Variants in COL6A3 observed in about 807,000 individuals in gnomAD.
COL6A3 encodes collagen alpha-3(VI) chain.
A neutral mutation model predicts 274.1 loss-of-function variants in COL6A3; 137 were observed. The ratio of observed to expected loss-of-function variants is 0.50; its 90% confidence interval spans 0.44 to 0.58. COL6A3 has a LOEUF of 0.58. Among genes scored for constraint, COL6A3 ranks in the 20% least tolerant of loss-of-function variants. The pLI is 0.00. For synonymous variants in COL6A3, 1,650 were observed against 1,650.6 expected (o/e 1.00, Z 0.01); for missense variants, 3,950 against 4,124.9 (o/e 0.96, Z 1.16).
At chr2:237,389,804 A>G (rs755443109) in intron 3 of COL6A3, among the ~76,000 whole-genome samples, 1 of 152,260 alleles carries the variant, frequency 6.6e-6, no homozygotes, top group Non-Finnish European at 1.5e-5. Context: ...AGATACAATG[A>G]GTAGGATAAT....
In COL6A3 at chr2:237,374,490, T is replaced by G; in HGVS notation, c.3601A>C (p.Ile1201Leu). Residue 1201 changes from isoleucine to leucine, a missense_variant, in exon 8 of 44, where the codon ATC (isoleucine) becomes CTC (leucine). Ile to Leu is a conservative substitution (Grantham distance 5). Transcript: ENST00000295550. This position sits in a 1 kb window ranked among gnomAD's most constrained non-coding sequence, Gnocchi z 4.8. ...FRQLGTVQQVISERVTQLTRE... is the reference protein window; with the variant it reads ...FRQLGTVQQVLSERVTQLTRE... ...GTGAGCTGGGTCACCCTCTCAGAGA[T>G]GACCTGTTGGACGGTCCCCAGCTGG... is the stretch of plus-strand genomic sequence containing the variant. 6.2e-7 allele frequency: 1 copy of G among 1,614,136 alleles called. No homozygotes were observed. The highest frequency in any genetic ancestry group is 8.5e-7 in the Non-Finnish European group (1 of 1,180,030).
rs369259749 is a variant in COL6A3, at chr2:237,399,406, G to C, written c.-30-2559C>G. Among the ~76,000 whole-genome samples, 16 of 152,300 alleles carry C rather than the reference G, an allele frequency of 1.1e-4. 2 individuals are homozygous for C. Among genetic ancestry groups the C allele is most frequent in the African/African-American group, 3.8e-4 (16 of 41,568 alleles). ...CTCTGTGAGGAGCATGTGGTAGCCT[G>C]TTTGGTAAATGCCTGACGCGGAATG... On this transcript the variant is annotated intron_variant, in intron 1 of 43. Coordinates refer to ENST00000295550, the MANE Select transcript of COL6A3 (RefSeq NM_004369.4).
chr2:237,347,049 A>C (rs781588265), intron 31 of COL6A3, among the ~76,000 whole-genome samples: 3 of 152,082 alleles, frequency 2.0e-5, no homozygotes, highest in Admixed American at 6.5e-5. Context: ...CAACCTTTAC[A>C]CAGATCTAGG....
intron 1 of COL6A3, among the ~76,000 whole-genome samples, chr2:237,409,475 T>C (rs761351097): frequency 1.3e-5 from 2 of 152,176 alleles, no homozygotes; most frequent in African/African-American, 4.8e-5. Context: ...ATAGGTCTTG[T>C]TAAACTTAAG....
rs149753082 is a variant in COL6A3 at position 237,387,192 on chromosome 2, T to C, written c.1312+390A>G. On this transcript the variant is annotated intron_variant, in intron 4 of 43. Transcript: ENST00000295550. ...TGAGCACACTTCTAACACTGACTTTTAGAGCTCAATGCCATAGTCCTGGAG... is the reference window on the plus strand; with the variant it reads ...TGAGCACACTTCTAACACTGACTTTCAGAGCTCAATGCCATAGTCCTGGAG... Among the ~76,000 whole-genome samples, 799 of 152,316 alleles carry C rather than the reference T, an allele frequency of 5.2e-3. 4 individuals carry two copies. Among genetic ancestry groups the C allele is most frequent in the African/African-American group, 0.018 (752 of 41,548 alleles).
intron 5 of COL6A3, 44 bp from the exon 6 acceptor site, chr2:237,379,279 G>A (rs200281550): frequency 2.2e-5 from 36 of 1,613,392 alleles, no homozygotes; most frequent in African/African-American, 1.1e-4. Context: ...ACACAACCAC[G>A]GAGAGTTTTA....
In COL6A3 at chr2:237,361,536, C is replaced by T. The variant is rs1023646862; in HGVS notation, c.6156+203G>A. Among the ~76,000 whole-genome samples, 6 of 152,224 alleles carry T rather than the reference C, an allele frequency of 3.9e-5. No individual in the cohort carries two copies. The highest frequency in any genetic ancestry group is 6.5e-5 in the Admixed American group (1 of 15,284). ...CTTATCCTGTGCAAAAGGAGGGTCCCGCCTGAACCATCTTCACTGGAACAG... is the reference window on the plus strand; with the variant it reads ...CTTATCCTGTGCAAAAGGAGGGTCCTGCCTGAACCATCTTCACTGGAACAG... On this transcript the variant is annotated intron_variant, in intron 15 of 43. Transcript: ENST00000295550. This position sits in a 1 kb window ranked among gnomAD's most constrained non-coding sequence, Gnocchi z 5.1.
At chr2:237,400,338 C>G (rs189907254) in intron 1 of COL6A3, among the ~76,000 whole-genome samples, 10 of 151,706 alleles carry the variant, frequency 6.6e-5, no homozygotes, top group African/African-American at 2.4e-4. Flanking sequence ...GTTTTATATC[C>G]CCTGCATCAG....
At chr2:237,397,154 A>AGAAGG (rs1205101530) in intron 1 of COL6A3, among the ~76,000 whole-genome samples, 1 of 131,020 alleles carries the variant, frequency 7.6e-6, no homozygotes, top group South Asian at 2.5e-4. Flanking sequence ...GGAAGGGAAG[A>AGAAGG]GAAGGGAAGG....
Position 237,357,605 on chromosome 2 carries a change from G to C in COL6A3, c.6537+212C>G, listed in dbSNP as rs7577192. Among the ~76,000 whole-genome samples the C allele has an allele frequency of 0.4, 61,203 of 152,096 alleles. 12,785 individuals are homozygous for C. Among genetic ancestry groups the C allele is most frequent in the Non-Finnish European group, 0.45 (30,440 of 67,978 alleles). ...ACAAGCACCTTCCGTAAATATCTAA[G>C]AGGCACAGATTCTGCTGAGAAGCCC... On this transcript the variant is annotated intron_variant, in intron 22 of 43. Transcript: ENST00000295550.
rs369379463 is a variant in COL6A3, at chr2:237,381,275, G to T, written c.1537C>A (p.Arg513=). The T allele has an allele frequency of 6.2e-7, 1 of 1,614,234 alleles. No homozygotes were observed. Among genetic ancestry groups the T allele is most frequent in the Non-Finnish European group, 8.5e-7 (1 of 1,180,044 alleles). The change falls in exon 5 of 44, where the codon CGG becomes AGG. Residue 513 remains arginine, a synonymous_variant. Transcript: ENST00000295550. Reference sequence around the variant, plus strand: ...GAGCCGTCCAGGGGCTTCATTTTCCGCACAGCGGTTATGACTTCCCTTTTT... The same window carrying T: ...GAGCCGTCCAGGGGCTTCATTTTCCTCACAGCGGTTATGACTTCCCTTTTT... The part of the protein sequence containing the change: ...PTKREVITAV[R]KMKPLDGSAL...
chr2:237,383,365 G>T (rs907856706), intron 4 of COL6A3, among the ~76,000 whole-genome samples: 3 of 152,166 alleles, frequency 2.0e-5, no homozygotes, highest in African/African-American at 7.2e-5. Context: ...ATATTTCATG[G>T]TCATTGTTAT....
Position 237,345,171 on chromosome 2 carries a change from T to C in COL6A3, c.7125+10A>G, listed in dbSNP as rs754682475. On this transcript the variant is annotated intron_variant, in intron 33 of 43. Coordinates refer to ENST00000295550, the MANE Select transcript of COL6A3 (RefSeq NM_004369.4). The stretch of plus-strand genomic sequence containing the variant: ...AGGTTAATGAGTCATTCTGGACACA[T>C]GCAACTTACATCGATGGAGTCGCCC... 2 of 1,614,180 alleles carry C rather than the reference T, an allele frequency of 1.2e-6. No individual in the cohort carries two copies. Among genetic ancestry groups the C allele is most frequent in the Non-Finnish European group, 1.7e-6 (2 of 1,180,030 alleles).
At chr2:237,381,528 A>G in intron 4 of COL6A3, 29 bp from the exon 5 acceptor site, 1 of 1,523,700 alleles carries the variant, frequency 6.6e-7, no homozygotes, top group Non-Finnish European at 9.0e-7. Context: ...TAAGGCAATT[A>G]GAATGGCCTT....
At chr2:237,380,876 G>T in intron 5 of COL6A3, 39 bp downstream of exon 5, 1 of 1,589,254 alleles carries the variant, frequency 6.3e-7, no homozygotes, top group South Asian at 1.1e-5. Flanking sequence ...CCTGCCTGGA[G>T]ACCACCCCAT....
intron 26 of COL6A3, among the ~76,000 whole-genome samples, chr2:237,352,259 T>C (rs1458986264): frequency 6.6e-6 from 1 of 152,222 alleles, no homozygotes; most frequent in Non-Finnish European, 1.5e-5. Flanking sequence ...GCATATCCCC[T>C]GATTTCCACC....
intron 3 of COL6A3, 129 bp downstream of exon 3, chr2:237,394,458 T>A: frequency 8.5e-7 from 1 of 1,180,278 alleles, no homozygotes; most frequent in South Asian, 1.3e-5. Flanking sequence ...CCTTTGTTTT[T>A]AAACCTGTGA....
chr2:237,351,104 A>G (rs763972285), intron 27 of COL6A3, 26 bp downstream of exon 27: 2 of 1,613,408 alleles, frequency 1.2e-6, no homozygotes, highest in South Asian at 2.2e-5. Flanking sequence ...TGTCCTCAGG[A>G]AAGCTCTACC....
At position 237,334,811 on chromosome 2, in the gene COL6A3, G is replaced by A. The variant is rs2106312507; in HGVS notation, c.9044C>T (p.Pro3015Leu). ...GGTGAGGTCATAAAAATAAGGACCGGGGGGCTCAGCCCTCTCCCAGTGGAG... is the reference window on the plus strand; with the variant it reads ...GGTGAGGTCATAAAAATAAGGACCGAGGGGCTCAGCCCTCTCCCAGTGGAG... ...AKLHWERAEP[P>L]GPYFYDLTVT... Residue 3015 changes from proline to leucine, a missense_variant, in exon 41 of 44, where the codon CCC becomes CTC. Around this residue, in one of 5 missense-constraint regions of COL6A3, gnomAD observed 1,284 missense variants for 1,349.7 expected, o/e 0.95. Transcript: ENST00000295550. The A allele has an allele frequency of 6.2e-7, 1 of 1,614,160 alleles. No individual in the cohort carries two copies. Among genetic ancestry groups the A allele is most frequent in the Non-Finnish European group, 8.5e-7 (1 of 1,180,026 alleles).
Sources: gnomAD v4.1 joint callset for allele counts (sites outside exome capture counted in the v4.1 genomes callset) on GRCh38, gnomAD v4.1.1 for gene constraint, gnomAD v4.1.1 regional missense constraint, Gnocchi (gnomAD v3.1) non-coding constraint, MANE v1.5 for transcripts, NCBI Gene and HGNC (gene_info 2026-07-23, HGNC 2026-07-21) for gene names.